Variants in MRE11 observed in about 807,000 individuals in gnomAD.
MRE11 encodes the protein MRE11 double strand break repair nuclease, also known as double-strand break repair protein MRE11.
MRE11 carries 62 observed loss-of-function variants against 91.7 expected under a neutral mutation model. That is an observed-to-expected ratio of 0.68 (90% CI 0.55 to 0.84). The LOEUF (loss-of-function observed/expected upper bound fraction) is 0.84, where lower values mean the gene tolerates loss of function less well. MRE11 is among the 40% of genes least tolerant of loss of function. MRE11 has a pLI of 0.00. For synonymous variants in MRE11, 273 were observed against 271.4 expected (o/e 1.01, Z -0.06); for missense variants, 796 against 852.9 (o/e 0.93, Z 0.83).
chr11:94,505,011 G>C, the MRE11 span, among the ~76,000 whole-genome samples: 1 of 152,120 alleles, frequency 6.6e-6, no homozygotes, highest in Non-Finnish European at 1.5e-5. Flanking sequence ...TGTGGTAGCT[G>C]ACATAATGTC....
At chr11:94,426,388 T>A (rs542160106) in intron 19 of MRE11, among the ~76,000 whole-genome samples, 32 of 150,052 alleles carry the variant, frequency 2.1e-4, no homozygotes, top group Non-Finnish European at 3.5e-4. Flanking sequence ...AAGGAAAGCT[T>A]ACAGAACTAA....
rs1243351374 is a variant in MRE11, at chr11:94,447,406, C to G, written c.1596G>C (p.Gln532His). Reference protein sequence around the residue: ...AMTRARALRSQSEESASAFSA... With the variant: ...AMTRARALRSHSEESASAFSA... The stretch of plus-strand genomic sequence containing the variant: ...TAAAGGCAGAAGCAGACTCCTCTGA[C>G]TGAGATCTGAGTGCTCTGGCCCTGG... Residue 532 changes from glutamine (Q) to histidine (H), a missense_variant, in exon 15 of 20, where the codon CAG becomes CAC. By Grantham distance (24) the Gln-to-His change is conservative. Transcript: ENST00000323929. 1.2e-6 allele frequency: 2 copies of G among 1,614,022 alleles called. No individual in the cohort carries two copies. The highest frequency in any genetic ancestry group is 1.3e-5 in the African/African-American group (1 of 74,908).
At position 94,467,825 on chromosome 11, in the gene MRE11, A is replaced by G. The variant is rs786201488; in HGVS notation, c.1086T>C (p.Leu362=). Residue 362 remains leucine (L), a synonymous_variant, in exon 10 of 20, where the codon CTT becomes CTC. Transcript: ENST00000323929. ...AAATAGGACTTACTCGCAGTCGTAC[A>G]AGAGGCTTCTCTGGCTGGTGAGAAT... ...LGNSHQPEKP[L]VRLRVDYSGG... 1.2e-5 allele frequency: 20 copies of G among 1,612,912 alleles called. No homozygotes were observed. Among genetic ancestry groups the G allele is most frequent in the Non-Finnish European group, 1.5e-5 (18 of 1,179,200 alleles).
At chr11:94,458,310 T>C (rs1419004203) in intron 13 of MRE11, among the ~76,000 whole-genome samples, 2 of 152,122 alleles carry the variant, frequency 1.3e-5, no homozygotes, top group African/African-American at 4.8e-5. Context: ...TGGGATATTT[T>C]CTTTATTTAC....
chr11:94,451,876 T>A (rs1241667171), intron 14 of MRE11, among the ~76,000 whole-genome samples: 1 of 152,108 alleles, frequency 6.6e-6, no homozygotes, highest in Non-Finnish European at 1.5e-5. Context: ...CACACAAATG[T>A]GTTCAAGTGA....
intron 7 of MRE11, chr11:94,472,929 G>A (rs915447453): frequency 2.0e-5 from 3 of 152,068 alleles, no homozygotes; most frequent in Non-Finnish European, 2.9e-5. Flanking sequence ...TAACTTGTCA[G>A]TTAGTGATAG....
chr11:94,454,725 G>A (rs188844952), intron 14 of MRE11, among the ~76,000 whole-genome samples: 70 of 152,096 alleles, frequency 4.6e-4, no homozygotes, highest in African/African-American at 1.6e-3. Flanking sequence ...TGTATAAGAC[G>A]TTCACTCTTA....
chr11:94,464,191 G>A lies in MRE11; in HGVS notation c.1147C>T (p.Gln383Ter), dbSNP rs1946498796. ...TTAGCTACCCGATCCACAAATTTCT[G>A]GCTAAAGCGAAGAACACTGAAAGGT... ...FEPFSVLRFSQKFVDRVANPK... is the reference protein window; with the variant it reads ...FEPFSVLRFS Residue 383 changes from glutamine (Q) to a stop codon, truncating the protein, a stop_gained, in exon 11 of 20, where the codon CAG becomes TAG. Coordinates refer to ENST00000323929, the MANE Select transcript of MRE11 (RefSeq NM_005591.4). LOFTEE classifies it high-confidence loss of function. 6.2e-7 allele frequency: 1 copy of A among 1,613,816 alleles called. No homozygotes were observed. The highest frequency in any genetic ancestry group is 8.5e-7 in the Non-Finnish European group (1 of 1,179,912).
At chr11:94,438,589 G>C (rs544521310) in intron 16 of MRE11, among the ~76,000 whole-genome samples, 1 of 152,302 alleles carries the variant, frequency 6.6e-6, no homozygotes, top group Admixed American at 6.5e-5. Flanking sequence ...CTTTAACTCT[G>C]AGATCCTAGA....
At chr11:94,421,302 T>A (rs576140911) in intron 19 of MRE11, among the ~76,000 whole-genome samples, 29 of 152,344 alleles carry the variant, frequency 1.9e-4, no homozygotes, top group Admixed American at 6.5e-4. Context: ...CTAGGCTTTG[T>A]TGGTGGTATC....
chr11:94,469,262 G>C (rs1189032232), intron 9 of MRE11, among the ~76,000 whole-genome samples: 1 of 152,100 alleles, frequency 6.6e-6, no homozygotes, highest in East Asian at 1.9e-4. Flanking sequence ...CATTTGGCAA[G>C]GTCTGTAAAC....
intron 16 of MRE11, among the ~76,000 whole-genome samples, chr11:94,438,585 C>G (rs897660030): frequency 1.3e-5 from 2 of 152,212 alleles, no homozygotes; most frequent in Non-Finnish European, 2.9e-5. Flanking sequence ...ACTCCTTTAA[C>G]TCTGAGATCC....
At chr11:94,463,475 T>G (rs1370292263) in intron 11 of MRE11, among the ~76,000 whole-genome samples, 18 of 152,206 alleles carry the variant, frequency 1.2e-4, no homozygotes, top group Admixed American at 1.1e-3. Context: ...TAAAGACACA[T>G]GCACACATGT....
chr11:94,479,846 C>G (rs1591708931), intron 4 of MRE11, 85 bp from the exon 5 acceptor site: 1 of 1,011,032 alleles, frequency 9.9e-7, no homozygotes, highest in Non-Finnish European at 1.5e-6. Flanking sequence ...TTAATGCAAT[C>G]ATAGGCAAAC....
intron 12 of MRE11, among the ~76,000 whole-genome samples, chr11:94,459,921 A>T (rs763464387): frequency 5.3e-5 from 8 of 152,202 alleles, no homozygotes; most frequent in Non-Finnish European, 2.9e-5. Flanking sequence ...ATACATGGCA[A>T]AGAGGAACAA....
chr11:94,456,539 C>T (rs558054554), intron 13 of MRE11, among the ~76,000 whole-genome samples: 4 of 151,918 alleles, frequency 2.6e-5, no homozygotes, highest in African/African-American at 7.2e-5. Context: ...CATATTGACC[C>T]GAAGCAAAAT....
chr11:94,465,524 T>C (rs911646194), intron 10 of MRE11, among the ~76,000 whole-genome samples: 2 of 151,486 alleles, frequency 1.3e-5, no homozygotes, highest in Non-Finnish European at 2.9e-5. Context: ...GCCTCCCAAG[T>C]AGTTGGGATT....
upstream of MRE11, chr11:94,498,371 A>G (rs1359533075): frequency 1.2e-6 from 2 of 1,613,278 alleles, no homozygotes; most frequent in Non-Finnish European, 1.7e-6. Flanking sequence ...GAACAGAGAC[A>G]GCAAGGATAC....
rs765822583 is a variant in MRE11, at chr11:94,490,910, T to G, written c.76A>C (p.Met26Leu). ...LVATDIHLGFMEKDAVRGNDT... is the reference protein window; with the variant it reads ...LVATDIHLGFLEKDAVRGNDT... ...TTTCCTCTGACTGCATCTTTCTCCA[T>G]AAATCCAAGATGAATATCTGTTGCA... The change falls in exon 3 of 20, where the codon ATG becomes CTG. Residue 26 changes from methionine (M) to leucine (L), a missense_variant. Coordinates refer to ENST00000323929, the MANE Select transcript of MRE11 (RefSeq NM_005591.4). 6.3e-7 allele frequency: 1 copy of G among 1,591,422 alleles called. No individual in the cohort carries two copies. Among genetic ancestry groups the G allele is most frequent in the South Asian group, 1.1e-5 (1 of 90,604 alleles).
Sources: allele counts gnomAD v4.1 joint callset (sites outside exome capture counted in the v4.1 genomes callset), GRCh38; gene constraint gnomAD v4.1.1; transcripts MANE v1.5; gene names NCBI Gene and HGNC (gene_info 2026-07-23, HGNC 2026-07-21).